Variants in FAM124A observed in about 807,000 individuals in gnomAD.
FAM124A encodes the protein family with sequence similarity 124 member A, also known as protein FAM124A.
FAM124A carries 23 observed loss-of-function variants against 24.5 expected under a neutral mutation model. The ratio of observed to expected loss-of-function variants is 0.94; its 90% CI spans 0.68 to 1.33. The LOEUF is 1.33. FAM124A is among the 40% of genes most tolerant of loss of function. FAM124A has a pLI of 0.00. For missense variants in FAM124A, 623 were observed against 722.8 expected, an observed-to-expected ratio of 0.86 and a Z score of 1.58; for synonymous variants, 287 against 314.7, an observed-to-expected ratio of 0.91 and a Z score of 0.93.
intron 3 of FAM124A, among the ~76,000 whole-genome samples, chr13:51,255,612 T>G (rs1022273168): frequency 1.3e-5 from 2 of 152,232 alleles, no homozygotes; most frequent in African/African-American, 2.4e-5. Flanking sequence ...TTCAGAGTCC[T>G]GGAAGCAAAG....
Position 51,280,984 on chromosome 13 carries a change from C to T in FAM124A, c.1369C>T (p.His457Tyr), listed in dbSNP as rs771738151. The T allele has an allele frequency of 8.7e-6, 14 of 1,614,012 alleles. No homozygotes were observed. In the South Asian group the frequency reaches 1.1e-4, roughly 13 times the overall value. Residue 457 changes from histidine (H) to tyrosine (Y), a missense_variant, in exon 4 of 4, where the codon CAC (histidine) becomes TAC (tyrosine). Physicochemically the swap from His to Tyr is moderately conservative, Grantham distance 83. Transcript: ENST00000322475. ...AAGATGCAGCAGCCACTGGGCAGCT[C>T]ACAAGGATTCCAGGGAGGGACCACT... ...SERCSSHWAA[H>Y]KDSREGPLPT...
chr13:51,233,303 C>A (rs1474305628), intron 2 of FAM124A, among the ~76,000 whole-genome samples: 2 of 152,130 alleles, frequency 1.3e-5, no homozygotes, highest in East Asian at 1.9e-4. Context: ...CCAGCCATCA[C>A]ATCCTTGTTC....
chr13:51,280,252 T>G (rs1051541367), intron 3 of FAM124A, among the ~76,000 whole-genome samples, 198 bp from the exon 4 acceptor site: 2 of 152,210 alleles, frequency 1.3e-5, no homozygotes, highest in Non-Finnish European at 2.9e-5. Context: ...AGATGGCTCC[T>G]CAGACTGAAA....
At chr13:51,224,905 G>A (rs190688037) in intron 1 of FAM124A, among the ~76,000 whole-genome samples, 258 of 151,834 alleles carry the variant, frequency 1.7e-3, no homozygotes, top group Non-Finnish European at 2.1e-3. Context: ...CTGTTTCCTC[G>A]CCTTTGTCAA....
At chr13:51,257,786 C>G (rs888886180) in intron 3 of FAM124A, among the ~76,000 whole-genome samples, 2 of 152,270 alleles carry the variant, frequency 1.3e-5, no homozygotes, top group South Asian at 2.1e-4. Flanking sequence ...TCCCATCATC[C>G]AAGTTTCAGA....
At chr13:51,245,760 G>A (rs1954551704) in intron 2 of FAM124A, among the ~76,000 whole-genome samples, 1 of 152,134 alleles carries the variant, frequency 6.6e-6, no homozygotes, top group Non-Finnish European at 1.5e-5. Context: ...TCATAGTGTT[G>A]CTTTAAATGA....
In FAM124A at chr13:51,258,042, C is replaced by T. The variant is rs2050976141; in HGVS notation, c.834+5841C>T. Among the ~76,000 whole-genome samples, 1 of 152,234 alleles carries T rather than the reference C, an allele frequency of 6.6e-6. No homozygotes were observed. Among genetic ancestry groups the T allele is most frequent in the African/African-American group, 2.4e-5 (1 of 41,466 alleles). On this transcript the variant is annotated intron_variant, in intron 3 of 3. Transcript: ENST00000322475. This position sits in a 1 kb window ranked among gnomAD's most constrained non-coding sequence, Gnocchi z 4.2. ...GTTGTGAGGAAGAATCTGTTCCATTCCTCTCCCCAGCCTGCTGTTGCACTG... is the reference window on the plus strand; with the variant it reads ...GTTGTGAGGAAGAATCTGTTCCATTTCTCTCCCCAGCCTGCTGTTGCACTG...
At chr13:51,242,509 A>T (rs531348911) in intron 2 of FAM124A, among the ~76,000 whole-genome samples, 3 of 152,150 alleles carry the variant, frequency 2.0e-5, no homozygotes, top group African/African-American at 7.2e-5. Context: ...TACCTCCTCA[A>T]ACTAATTACA....
intron 3 of FAM124A, among the ~76,000 whole-genome samples, chr13:51,261,560 A>G (rs1307521213): frequency 8.7e-6 from 1 of 115,534 alleles, no homozygotes; most frequent in East Asian, 2.1e-4. Context: ...GAAGTGAACT[A>G]TGATTACAGG....
At position 51,247,897 on chromosome 13, in the gene FAM124A, T is replaced by C. The variant is rs1224891046; in HGVS notation, c.101-3571T>C. 3.3e-5 allele frequency among the ~76,000 whole-genome samples: 5 copies of C among 152,334 alleles called. No homozygotes were observed. The South Asian group carries it at 1.0e-3, about 32-fold the overall frequency. ...GTACTTCTGCCGATCGTGTCATGAA[T>C]GTTCAACCAAACCGAAAGAAGCCAG... On this transcript the variant is annotated intron_variant, in intron 2 of 3. Coordinates refer to ENST00000322475, the MANE Select transcript of FAM124A (RefSeq NM_001242312.2).
chr13:51,274,437 A>AT (rs1315052821), intron 3 of FAM124A, among the ~76,000 whole-genome samples: 2 of 152,246 alleles, frequency 1.3e-5, no homozygotes, highest in African/African-American at 4.8e-5. Flanking sequence ...ATTTTGAAGC[A>AT]TTTTGGATTT....
intron 1 of FAM124A, among the ~76,000 whole-genome samples, chr13:51,228,425 G>A (rs538802258): frequency 6.6e-6 from 1 of 152,252 alleles, no homozygotes; most frequent in African/African-American, 2.4e-5. Flanking sequence ...TCAGGTGTGT[G>A]AATGTACATA....
At chr13:51,238,362 C>A (rs1954458045) in intron 2 of FAM124A, among the ~76,000 whole-genome samples, 1 of 152,212 alleles carries the variant, frequency 6.6e-6, no homozygotes, top group Non-Finnish European at 1.5e-5. Context: ...GTTTGAGGAG[C>A]ACCGAGCTAG....
At chr13:51,257,400 A>G (rs2137686705) in intron 3 of FAM124A, among the ~76,000 whole-genome samples, 2 of 152,338 alleles carry the variant, frequency 1.3e-5, no homozygotes, top group Middle Eastern at 3.4e-3. Context: ...GAGGTGCAGA[A>G]AGTGACAGTG....
chr13:51,282,642 T>G lies in FAM124A; in HGVS notation c.*1386T>G, dbSNP rs991022272. 1 of 152,200 alleles carries G rather than the reference T, an allele frequency of 6.6e-6. No individual in the cohort carries two copies. The highest frequency in any genetic ancestry group is 1.5e-5 in the Non-Finnish European group (1 of 68,050). The allele number at this position is 152,200 out of a possible 1,614,324, so 9.4% of individuals were successfully genotyped here. A position where few individuals can be genotyped will look rare whatever the true frequency, so the allele number is the denominator to read the frequency against. On this transcript the variant is annotated 3_prime_UTR_variant, in exon 4 of 4. Transcript: ENST00000322475. ...GCTCCTTGAATTAATCATGGCACAG[T>G]GTTCATCTCTCTGGAAATGCCCACG...
chr13:51,228,436 A>C (rs1954338943), intron 1 of FAM124A, among the ~76,000 whole-genome samples: 1 of 152,182 alleles, frequency 6.6e-6, no homozygotes, highest in Non-Finnish European at 1.5e-5. Context: ...AATGTACATA[A>C]TTTTTGTATT....
chr13:51,266,371 G>A (rs538647641), intron 3 of FAM124A, among the ~76,000 whole-genome samples: 1 of 151,874 alleles, frequency 6.6e-6, no homozygotes, highest in African/African-American at 2.4e-5. Flanking sequence ...AAATAAAATT[G>A]TACTTTTAAT....
intron 1 of FAM124A, among the ~76,000 whole-genome samples, chr13:51,226,106 C>T (rs2137640891): frequency 6.6e-6 from 1 of 150,424 alleles, no homozygotes; most frequent in South Asian, 2.1e-4. Context: ...AATCCTCCCA[C>T]CTCAGCCTCC....
intron 1 of FAM124A, among the ~76,000 whole-genome samples, chr13:51,229,847 G>A (rs2137646118): frequency 6.6e-6 from 1 of 152,242 alleles, no homozygotes; most frequent in Admixed American, 6.5e-5. Context: ...CACCAGTACT[G>A]GGTTACAAAT....
Sources: gnomAD v4.1 joint callset for allele counts (sites outside exome capture counted in the v4.1 genomes callset) on GRCh38, gnomAD v4.1.1 for gene constraint, Gnocchi (gnomAD v3.1) non-coding constraint, MANE v1.5 for transcripts, NCBI Gene and HGNC (gene_info 2026-07-23, HGNC 2026-07-21) for gene names.